The following PBX1 variants were observed in gnomAD, a reference collection of about 807,000 sequenced individuals.
PBX1 encodes the protein PBX homeobox 1, also known as pre-B-cell leukemia transcription factor 1.
PBX1 carries 6 observed loss-of-function variants against 53.4 expected under a neutral mutation model. That is an observed-to-expected ratio of 0.11 (90% CI 0.06 to 0.22). PBX1 has a LOEUF of 0.22. PBX1 is among the 10% of genes least tolerant of loss of function. The pLI, the probability that PBX1 is intolerant of heterozygous loss-of-function variation, is 1.00. For missense variants in PBX1, 251 were observed against 551.4 expected, an observed-to-expected ratio of 0.46 and a Z score of 5.46; for synonymous variants, 204 against 212.3, an observed-to-expected ratio of 0.96 and a Z score of 0.34.
intron 2 of PBX1, among the ~76,000 whole-genome samples, chr1:164,575,435 CAGT>C (rs1394922643): frequency 6.6e-6 from 1 of 152,158 alleles, no homozygotes; most frequent in African/African-American, 2.4e-5. Context: ...TTGAATCTGC[CAGT>C]AGGTCAGAGG....
At chr1:164,715,444 T>C (rs1407817687) in intron 2 of PBX1, among the ~76,000 whole-genome samples, 1 of 152,214 alleles carries the variant, frequency 6.6e-6, no homozygotes, top group African/African-American at 2.4e-5. Flanking sequence ...TTTGAGGTTC[T>C]CAGTAGCAGG....
Position 164,848,490 on chromosome 1 carries a change from A to G in PBX1, c.*1814A>G, listed in dbSNP as rs1382103342. ...TCCCTGAAATAAACGGGTTCATGCC[A>G]TCTAGGGACAATAAATGGTTTTCTT... is the stretch of plus-strand genomic sequence containing the variant. On this transcript the variant is annotated 3_prime_UTR_variant, in exon 9 of 9. Transcript: ENST00000420696. 1 of 1,058,788 alleles carries G rather than the reference A, an allele frequency of 9.4e-7. No homozygotes were observed. The highest frequency in any genetic ancestry group is 1.1e-6 in the Non-Finnish European group (1 of 875,156). 65.6% of individuals were successfully genotyped at this position (1,058,788 alleles called of 1,614,324 possible). A position where few individuals can be genotyped will look rare whatever the true frequency, so the allele number is the denominator to read the frequency against.
chr1:164,794,591 A>G (rs1002129418), intron 3 of PBX1, among the ~76,000 whole-genome samples: 3 of 152,224 alleles, frequency 2.0e-5, no homozygotes, highest in Non-Finnish European at 4.4e-5. Context: ...CCCAGATCCC[A>G]GGCAATGCTG....
At chr1:164,858,106 C>T (rs1672015714) in intron 2 of PBX1, among the ~76,000 whole-genome samples, 1 of 152,026 alleles carries the variant, frequency 6.6e-6, no homozygotes, top group African/African-American at 2.4e-5. Flanking sequence ...TCTTACTCTT[C>T]CTGAAAAAGT....
chr1:164,796,579 A>G (rs907218888), intron 3 of PBX1, among the ~76,000 whole-genome samples: 31 of 152,184 alleles, frequency 2.0e-4, no homozygotes, highest in African/African-American at 7.5e-4. Flanking sequence ...TCATCCTTGG[A>G]TCTCAATCCA....
At chr1:164,620,178 A>G (rs550317968) in intron 2 of PBX1, among the ~76,000 whole-genome samples, 4 of 152,312 alleles carry the variant, frequency 2.6e-5, no homozygotes, top group South Asian at 4.1e-4. Flanking sequence ...GATCCTATCA[A>G]AAAACCAGCA....
intron 2 of PBX1, among the ~76,000 whole-genome samples, chr1:164,869,997 AGAGATC>A: frequency 6.6e-6 from 1 of 152,314 alleles, no homozygotes; most frequent in African/African-American, 2.4e-5. Flanking sequence ...ACAGTAACTA[AGAGATC>A]CATTAGTTCA....
chr1:164,856,342 C>G (rs1190761794), downstream of PBX1, among the ~76,000 whole-genome samples: 1 of 152,140 alleles, frequency 6.6e-6, no homozygotes, highest in African/African-American at 2.4e-5. Context: ...TTCAGCAGAG[C>G]CTGCAAGGTT....
chr1:164,653,589 G>A (rs541318897), intron 2 of PBX1, among the ~76,000 whole-genome samples: 30 of 152,032 alleles, frequency 2.0e-4, no homozygotes, highest in African/African-American at 5.5e-4. Flanking sequence ...CCTGGCCAAC[G>A]TGGTGAAACC....
chr1:164,678,963 C>T (rs573746044), intron 2 of PBX1, among the ~76,000 whole-genome samples: 13 of 152,172 alleles, frequency 8.5e-5, no homozygotes, highest in African/African-American at 1.7e-4. Flanking sequence ...AAATCACGTA[C>T]GTGGTGTGGA....
intron 5 of PBX1, among the ~76,000 whole-genome samples, chr1:164,810,463 C>T (rs931805581): frequency 2.0e-5 from 3 of 152,110 alleles, no homozygotes; most frequent in Non-Finnish European, 2.9e-5. Context: ...CCCCTCTTTA[C>T]CCCCTTCAGC....
intron 2 of PBX1, among the ~76,000 whole-genome samples, chr1:164,655,764 T>A (rs942680393): frequency 6.6e-6 from 1 of 152,202 alleles, no homozygotes; most frequent in African/African-American, 2.4e-5. Flanking sequence ...TTGTATATAG[T>A]TAATGTGATG....
At chr1:164,790,844 C>T (rs1408899921) in intron 2 of PBX1, among the ~76,000 whole-genome samples, 3 of 152,032 alleles carry the variant, frequency 2.0e-5, no homozygotes, top group Non-Finnish European at 4.4e-5. Context: ...CTAGACATAC[C>T]CTCATTGAGC....
intron 2 of PBX1, among the ~76,000 whole-genome samples, chr1:164,648,727 C>T (rs1379530480): frequency 1.3e-5 from 2 of 152,208 alleles, no homozygotes; most frequent in East Asian, 1.9e-4. Flanking sequence ...GGCGGGAGGG[C>T]GTTTGGCTTT....
chr1:164,827,417 T>C (rs967380535), intron 8 of PBX1, among the ~76,000 whole-genome samples: 24 of 152,108 alleles, frequency 1.6e-4, no homozygotes, highest in African/African-American at 5.3e-4. Context: ...CAGGAACTAG[T>C]GAACAGCCCC....
intron 2 of PBX1, among the ~76,000 whole-genome samples, chr1:164,592,807 C>T (rs16832943): frequency 0.045 from 6,886 of 152,294 alleles, 217 homozygotes; most frequent in Middle Eastern, 0.078. Flanking sequence ...CAGGCTCCCA[C>T]GCGCTGGCCT....
intron 8 of PBX1, among the ~76,000 whole-genome samples, chr1:164,843,882 A>C (rs949376691): frequency 6.6e-6 from 1 of 152,166 alleles, no homozygotes; most frequent in Non-Finnish European, 1.5e-5. Flanking sequence ...GAAACACCAC[A>C]GAACTAATTT....
chr1:164,708,180 C>G (rs1663552176), intron 2 of PBX1, among the ~76,000 whole-genome samples: 1 of 152,104 alleles, frequency 6.6e-6, no homozygotes, highest in Non-Finnish European at 1.5e-5. Flanking sequence ...TGCTGGAATC[C>G]TAGTAAAGCA....
At chr1:164,603,719 G>A (rs1014703063) in intron 2 of PBX1, among the ~76,000 whole-genome samples, 1 of 152,024 alleles carries the variant, frequency 6.6e-6, no homozygotes, top group Non-Finnish European at 1.5e-5. Flanking sequence ...CTGTATGGAG[G>A]ATACCTACAT....
Sources: gnomAD v4.1 joint callset for allele counts (sites outside exome capture counted in the v4.1 genomes callset) on GRCh38, gnomAD v4.1.1 for gene constraint, MANE v1.5 for transcripts, NCBI Gene and HGNC (gene_info 2026-07-23, HGNC 2026-07-21) for gene names.